ZNF143: variants seen among roughly 807,000 people sequenced by gnomAD.
ZNF143 encodes zinc finger protein 143.
In ZNF143, 49 loss-of-function variants were observed where a neutral mutation model predicts 74.1. That is an observed-to-expected ratio of 0.66 (90% confidence interval 0.53 to 0.84). The LOEUF is 0.84. Among genes scored for constraint, ZNF143 ranks in the 40% least tolerant of loss-of-function variants. The pLI is 0.00. For missense variants in ZNF143, 637 were observed against 793.4 expected, an observed-to-expected ratio of 0.80 and a Z score of 2.37; for synonymous variants, 304 against 282.8, an observed-to-expected ratio of 1.07 and a Z score of -0.75.
chr11:9,479,666 A>C (rs925789863), intron 7 of ZNF143, 120 bp downstream of exon 7: 1 of 729,790 alleles, frequency 1.4e-6, no homozygotes, highest in Middle Eastern at 3.8e-4. Flanking sequence ...GTTCAGAAAA[A>C]CAATGTATGT....
chr11:9,498,151 G>T (rs955237574), intron 10 of ZNF143, among the ~76,000 whole-genome samples: 1 of 152,222 alleles, frequency 6.6e-6, no homozygotes, highest in South Asian at 2.1e-4. Flanking sequence ...AATCTGCAGG[G>T]ACGGTACTTG....
intron 14 of ZNF143, among the ~76,000 whole-genome samples, chr11:9,521,081 C>T (rs1379881191): frequency 1.3e-5 from 2 of 152,156 alleles, no homozygotes; most frequent in East Asian, 1.9e-4. Context: ...CATACATAGC[C>T]TCCTGCATAA....
rs866377558 is a variant in ZNF143, at chr11:9,482,294, G to A, written c.645+2748G>A. On this transcript the variant is annotated intron_variant, in intron 7 of 15. Transcript: ENST00000396602. ...CCCAACTCTTTTTTTTTTTTAAGAC[G>A]GTGTCTCGCTCTGTCGCCCAGGCTG... Among the ~76,000 whole-genome samples, 9 of 139,994 alleles carry A rather than the reference G, an allele frequency of 6.4e-5. No homozygotes were observed. The East Asian group carries it at 1.4e-3, about 23-fold the overall frequency. 91.8% of individuals were successfully genotyped at this position (139,994 alleles called of 152,430 possible).
intron 7 of ZNF143, among the ~76,000 whole-genome samples, chr11:9,488,682 T>C (rs1847655466): frequency 6.6e-6 from 1 of 152,216 alleles, no homozygotes; most frequent in South Asian, 2.1e-4. Flanking sequence ...AGCACAGTTT[T>C]ACTAGCTAGA....
chr11:9,489,278 C>G (rs557254599), intron 7 of ZNF143, among the ~76,000 whole-genome samples: 20 of 152,208 alleles, frequency 1.3e-4, no homozygotes, highest in African/African-American at 4.6e-4. Flanking sequence ...CTTAGCATGC[C>G]AAATGCTAGT....
At chr11:9,512,840 G>T (rs1848599300) in intron 13 of ZNF143, among the ~76,000 whole-genome samples, 1 of 152,134 alleles carries the variant, frequency 6.6e-6, no homozygotes, top group Non-Finnish European at 1.5e-5. Context: ...ATAAAGGTCA[G>T]CCACAGAGAG....
At chr11:9,484,721 C>A (rs1285994311) in intron 7 of ZNF143, among the ~76,000 whole-genome samples, 2 of 149,848 alleles carry the variant, frequency 1.3e-5, no homozygotes, top group African/African-American at 5.0e-5. Flanking sequence ...CAGTTGAACT[C>A]CTGACCTCCA....
In ZNF143 at chr11:9,461,160, G is replaced by C. The variant is rs990037534; in HGVS notation, c.-8+84G>C. 200 of 880,434 alleles carry C rather than the reference G, an allele frequency of 2.3e-4. 1 individual carries two copies. The Middle Eastern group carries it at 2.3e-3, about 10-fold the overall frequency. 54.5% of individuals were successfully genotyped at this position (880,434 alleles called of 1,614,324 possible). A position where few individuals can be genotyped will look rare whatever the true frequency, so the allele number is the denominator to read the frequency against. On this transcript the variant is annotated intron_variant, in intron 1 of 15. Coordinates refer to ENST00000396602, the MANE Select transcript of ZNF143 (RefSeq NM_003442.6). ...TCAGCGCGGCGGCGCGGGCCCGCTTGGGCCCGGGCTCCGGCTCCCGCTGCT... is the reference window on the plus strand; with the variant it reads ...TCAGCGCGGCGGCGCGGGCCCGCTTCGGCCCGGGCTCCGGCTCCCGCTGCT...
At chr11:9,494,534 CT>C in intron 7 of ZNF143, 111 bp from the exon 8 acceptor site, 1 of 1,057,938 alleles carries the variant, frequency 9.5e-7, no homozygotes, top group Non-Finnish European at 1.4e-6. Context: ...TGCTCTTGAA[CT>C]CCTGGGCTCA....
rs753034069 is a variant in ZNF143, at chr11:9,471,394, G to C, written c.86G>C (p.Cys29Ser). The C allele has an allele frequency of 3.1e-6, 5 of 1,609,764 alleles. No individual in the cohort carries two copies. The highest frequency in any genetic ancestry group is 4.2e-6 in the Non-Finnish European group (5 of 1,178,312). The change falls in exon 2 of 16, where the codon TGC (cysteine) becomes TCC (serine). Residue 29 changes from cysteine (C) to serine (S), a missense_variant. Physicochemically the swap from Cys to Ser is moderately radical, Grantham distance 112. This residue lies in a region of ZNF143 where 293 missense variants were observed against 307.8 expected (regional missense o/e 0.95). Transcript: ENST00000396602. ...ATGGAGGCGCAACATGTTACGCTGT[G>C]CTTGACAGAGGCAGTCACCGTGGCA... The part of the protein sequence containing the change: ...GGMEAQHVTL[C>S]LTEAVTVADG...
chr11:9,474,803 T>A (rs1176885838), intron 5 of ZNF143, among the ~76,000 whole-genome samples, 170 bp downstream of exon 5: 5 of 152,248 alleles, frequency 3.3e-5, no homozygotes, highest in Admixed American at 3.3e-4. Context: ...TTCCTACAAT[T>A]TGAGCTGTCC....
intron 14 of ZNF143, among the ~76,000 whole-genome samples, chr11:9,521,144 A>G (rs1848910935): frequency 6.6e-6 from 1 of 152,188 alleles, no homozygotes; most frequent in Non-Finnish European, 1.5e-5. Context: ...CTACACGTAC[A>G]CATCACAATC....
At chr11:9,485,206 T>C (rs1221204059) in intron 7 of ZNF143, among the ~76,000 whole-genome samples, 5 of 151,392 alleles carry the variant, frequency 3.3e-5, no homozygotes, top group Non-Finnish European at 5.9e-5. Flanking sequence ...CTATTTTACA[T>C]ATTTTTAAAT....
In ZNF143 at chr11:9,484,476, A is replaced by G. The variant is rs1466560525; in HGVS notation, c.645+4930A>G. Among the ~76,000 whole-genome samples, 3 of 151,190 alleles carry G rather than the reference A, an allele frequency of 2.0e-5. 1 individual carries two copies. Among genetic ancestry groups the G allele is most frequent in the African/African-American group, 4.9e-5 (2 of 40,598 alleles). ...GTGATCCACCTGCCTCGGCCTCCCAAAGTGCTGGGATTTCAGGCGTGAGTC... is the reference window on the plus strand; with the variant it reads ...GTGATCCACCTGCCTCGGCCTCCCAGAGTGCTGGGATTTCAGGCGTGAGTC... On this transcript the variant is annotated intron_variant, in intron 7 of 15. Transcript: ENST00000396602.
At chr11:9,472,874 T>C (rs1856665507) in intron 3 of ZNF143, 105 bp downstream of exon 3, 1 of 654,786 alleles carries the variant, frequency 1.5e-6, no homozygotes, top group Non-Finnish European at 2.4e-6. Context: ...CTAAAGATGC[T>C]GTATTGCATA....
intron 7 of ZNF143, among the ~76,000 whole-genome samples, chr11:9,482,405 G>A (rs910473604): frequency 6.6e-6 from 1 of 150,392 alleles, no homozygotes; most frequent in Non-Finnish European, 1.5e-5. Flanking sequence ...GGAGTAGCTG[G>A]GACTACAGGT....
intron 12 of ZNF143, among the ~76,000 whole-genome samples, chr11:9,511,820 C>G (rs531682601): frequency 1.4e-5 from 2 of 145,762 alleles, no homozygotes; most frequent in Admixed American, 7.0e-5. Flanking sequence ...GGCGTGATCT[C>G]GGCTCACTGC....
Position 9,471,350 on chromosome 11 carries a change from A to G in ZNF143, c.42A>G (p.Thr14=), listed in dbSNP as rs779844482. The change falls in exon 2 of 16, where the codon ACA becomes ACG. Residue 14 remains threonine (T), a synonymous_variant. Coordinates refer to ENST00000396602, the MANE Select transcript of ZNF143 (RefSeq NM_003442.6). The part of the protein sequence containing the change: ...AQINRDSQGM[T]EFPGGGMEAQ... ...TAAATCGAGATTCTCAGGGAATGACAGAGTTTCCTGGAGGAGGGATGGAGG... is the reference window on the plus strand; with the variant it reads ...TAAATCGAGATTCTCAGGGAATGACGGAGTTTCCTGGAGGAGGGATGGAGG... 11 of 1,612,592 alleles carry G rather than the reference A, an allele frequency of 6.8e-6. No homozygotes were observed. The South Asian group carries it at 1.2e-4, about 18-fold the overall frequency.
intron 14 of ZNF143, among the ~76,000 whole-genome samples, chr11:9,521,952 G>T (rs1158031194): frequency 1.3e-5 from 2 of 151,584 alleles, no homozygotes; most frequent in Admixed American, 6.6e-5. Flanking sequence ...AGTAGTCCCA[G>T]CTACTCAGGA....
Sources: gnomAD v4.1 joint callset for allele counts (sites outside exome capture counted in the v4.1 genomes callset) on GRCh38, gnomAD v4.1.1 for gene constraint, gnomAD v4.1.1 regional missense constraint, MANE v1.5 for transcripts, NCBI Gene and HGNC (gene_info 2026-07-23, HGNC 2026-07-21) for gene names.